The following MPHOSPH6 variants were observed in gnomAD, a reference collection of about 807,000 sequenced individuals.
MPHOSPH6 encodes M-phase phosphoprotein 6.
MPHOSPH6 carries 25 observed loss-of-function variants against 21.8 expected under a neutral mutation model. The ratio of observed to expected loss-of-function variants is 1.15; its 90% CI spans 0.83 to 1.60. The LOEUF (loss-of-function observed/expected upper bound fraction) is 1.60. MPHOSPH6 is among the 40% of genes most tolerant of loss of function. MPHOSPH6 has a pLI of 0.00. For missense variants in MPHOSPH6, 269 were observed against 181.8 expected (o/e 1.48, Z -2.76); for synonymous variants, 84 against 56.5 (o/e 1.49, Z -2.18).
intron 2 of MPHOSPH6, among the ~76,000 whole-genome samples, chr16:82,154,234 A>G (rs1906357983): frequency 6.6e-6 from 1 of 152,130 alleles, no homozygotes; most frequent in Non-Finnish European, 1.5e-5. Flanking sequence ...CAAGCTAAAC[A>G]CTCTGTGATA....
intron 2 of MPHOSPH6, 44 bp downstream of exon 2, chr16:82,164,038 C>T (rs762564844): frequency 5.3e-6 from 7 of 1,332,818 alleles, no homozygotes; most frequent in Middle Eastern, 1.8e-4. Context: ...GAGTTTCCTT[C>T]TGAATGCCAC....
intron 2 of MPHOSPH6, among the ~76,000 whole-genome samples, chr16:82,157,055 AAAAT>A (rs1338722552): frequency 6.6e-6 from 1 of 152,180 alleles, no homozygotes; most frequent in Non-Finnish European, 1.5e-5. Context: ...CATTTCAAAA[AAAAT>A]AAATAAATAA....
intron 1 of MPHOSPH6, among the ~76,000 whole-genome samples, chr16:82,166,350 G>A (rs929600980): frequency 2.6e-5 from 4 of 152,228 alleles, no homozygotes; most frequent in Admixed American, 1.3e-4. Context: ...ATACTTCCCA[G>A]TCCTTTTGCC....
At chr16:82,156,774 G>A (rs900767526) in intron 2 of MPHOSPH6, among the ~76,000 whole-genome samples, 3 of 152,248 alleles carry the variant, frequency 2.0e-5, no homozygotes, top group Non-Finnish European at 2.9e-5. Flanking sequence ...ATCCATAAGC[G>A]TAAAAAAACA....
rs1344483060 is a variant in MPHOSPH6, at chr16:82,148,741, G to T, written c.473C>A (p.Pro158His). The T allele has an allele frequency of 6.2e-7, 1 of 1,613,858 alleles. No homozygotes were observed. Among genetic ancestry groups the T allele is most frequent in the Non-Finnish European group, 8.5e-7 (1 of 1,180,012 alleles). Residue 158 changes from proline to histidine, a missense_variant, in exon 5 of 5, where the codon CCC (proline) becomes CAC (histidine). Transcript: ENST00000258169. Reference sequence around the variant, plus strand: ...CTTAAGGCATCCATCTTAATCCTGGGGCTTTAAGAACATCTTCTTTGCTTT... The same window carrying T: ...CTTAAGGCATCCATCTTAATCCTGGTGCTTTAAGAACATCTTCTTTGCTTT... Reference protein sequence around the residue: ...PIKAKKMFLKPQD With the variant: ...PIKAKKMFLKHQD
intron 2 of MPHOSPH6, among the ~76,000 whole-genome samples, chr16:82,155,904 CAAA>C (rs529834500): frequency 2.0e-5 from 2 of 101,796 alleles, no homozygotes; most frequent in Non-Finnish European, 2.1e-5. Context: ...CACTCTGTCT[CAAA>C]AAAAAAAAAA....
chr16:82,151,473 T>C lies in MPHOSPH6; in HGVS notation c.206A>G (p.Asp69Gly). 2 of 1,606,504 alleles carry C rather than the reference T, an allele frequency of 1.2e-6. No homozygotes were observed. The highest frequency in any genetic ancestry group is 1.7e-6 in the Non-Finnish European group (2 of 1,176,934). Reference sequence around the variant, plus strand: ...GAATGACATTCTTCCATAGAGAAGATCTTCACATAGTAAGAAACTCTGCTC... The same window carrying C: ...GAATGACATTCTTCCATAGAGAAGACCTTCACATAGTAAGAAACTCTGCTC... ...IEEQSFLLCE[D>G]LLYGRMSFRG... Residue 69 changes from aspartate (D) to glycine (G), a missense_variant, in exon 3 of 5, where the codon GAT (aspartate) becomes GGT (glycine). Asp to Gly is a moderately conservative substitution (Grantham distance 94, BLOSUM62 -1). Coordinates refer to ENST00000258169, the MANE Select transcript of MPHOSPH6 (RefSeq NM_005792.2).
intron 1 of MPHOSPH6, among the ~76,000 whole-genome samples, chr16:82,166,436 G>C (rs1436517185): frequency 2.0e-5 from 3 of 152,112 alleles, no homozygotes; most frequent in Non-Finnish European, 2.9e-5. Flanking sequence ...GTGTCCTTTG[G>C]TAAGACTTCC....
chr16:82,148,729 T>A lies in MPHOSPH6; in HGVS notation c.*2A>T, dbSNP rs1278154755. On this transcript the variant is annotated 3_prime_UTR_variant, in exon 5 of 5. Coordinates refer to ENST00000258169, the MANE Select transcript of MPHOSPH6 (RefSeq NM_005792.2). ...CCTGGGCCATCGCTTAAGGCATCCATCTTAATCCTGGGGCTTTAAGAACAT... is the reference window on the plus strand; with the variant it reads ...CCTGGGCCATCGCTTAAGGCATCCAACTTAATCCTGGGGCTTTAAGAACAT... 2 of 1,614,048 alleles carry A rather than the reference T, an allele frequency of 1.2e-6. No homozygotes were observed. The highest frequency in any genetic ancestry group is 3.3e-5 in the Admixed American group (2 of 60,026).
intron 1 of MPHOSPH6, 31 bp downstream of exon 1, chr16:82,170,094 G>C (rs746618336): frequency 5.7e-6 from 9 of 1,577,632 alleles, no homozygotes; most frequent in Non-Finnish European, 7.7e-6. Flanking sequence ...TGCCCCTACC[G>C]CCCGGAGTGG....
intron 1 of MPHOSPH6, among the ~76,000 whole-genome samples, chr16:82,165,119 T>TG (rs1906727043): frequency 1.9e-5 from 1 of 53,450 alleles, no homozygotes; most frequent in Non-Finnish European, 3.4e-5. Context: ...TATTTCTTTT[T>TG]TATTTTTTTT....
At chr16:82,150,890 T>C (rs187738620) in intron 3 of MPHOSPH6, among the ~76,000 whole-genome samples, 1 of 152,340 alleles carries the variant, frequency 6.6e-6, no homozygotes, top group East Asian at 1.9e-4. Flanking sequence ...CTAATGAATA[T>C]TTGTTAAATA....
chr16:82,166,962 T>C (rs1906801655), intron 1 of MPHOSPH6, among the ~76,000 whole-genome samples: 1 of 152,156 alleles, frequency 6.6e-6, no homozygotes, highest in South Asian at 2.1e-4. Flanking sequence ...TCAGAACACA[T>C]TCCAAAACTA....
intron 1 of MPHOSPH6, chr16:82,164,637 C>T (rs1326075205): frequency 1.3e-5 from 2 of 155,848 alleles, no homozygotes; most frequent in Non-Finnish European, 2.8e-5. Flanking sequence ...CCATGGCTCC[C>T]TCCAATAGAC....
At chr16:82,156,277 A>G (rs1359941321) in intron 2 of MPHOSPH6, among the ~76,000 whole-genome samples, 2 of 152,204 alleles carry the variant, frequency 1.3e-5, no homozygotes, top group Non-Finnish European at 2.9e-5. Context: ...AAAAAACCCT[A>G]GAAACACTGA....
At chr16:82,156,252 G>T (rs574094757) in intron 2 of MPHOSPH6, among the ~76,000 whole-genome samples, 1 of 152,106 alleles carries the variant, frequency 6.6e-6, no homozygotes, top group Non-Finnish European at 1.5e-5. Context: ...ACAGATGTAT[G>T]TAAGTTTTGT....
chr16:82,170,213 C>G lies in MPHOSPH6; in HGVS notation c.-38G>C. On this transcript the variant is annotated 5_prime_UTR_variant, in exon 1 of 5. Coordinates refer to ENST00000258169, the MANE Select transcript of MPHOSPH6 (RefSeq NM_005792.2). ...CCAGCGCCGCACTCCGGCCGCGAGCCTCACCGCACATGCGCGGAGCCGCGT... is the reference window on the plus strand; with the variant it reads ...CCAGCGCCGCACTCCGGCCGCGAGCGTCACCGCACATGCGCGGAGCCGCGT... The G allele has an allele frequency of 1.3e-6, 2 of 1,565,028 alleles. No homozygotes were observed. The highest frequency in any genetic ancestry group is 1.7e-6 in the Non-Finnish European group (2 of 1,157,374).
intron 2 of MPHOSPH6, among the ~76,000 whole-genome samples, chr16:82,158,724 T>G (rs1233644051): frequency 6.6e-6 from 1 of 152,174 alleles, no homozygotes; most frequent in Admixed American, 6.5e-5. Context: ...AATAACAAAA[T>G]TCAAGCTTTC....
intron 1 of MPHOSPH6, chr16:82,164,776 G>A (rs924044181): frequency 6.6e-6 from 1 of 152,302 alleles, no homozygotes; most frequent in Admixed American, 6.5e-5. Context: ...AATGTAGGCA[G>A]AAGCAAAGGT....
Sources: allele counts gnomAD v4.1 joint callset (sites outside exome capture counted in the v4.1 genomes callset), GRCh38; gene constraint gnomAD v4.1.1; transcripts MANE v1.5; gene names NCBI Gene and HGNC (gene_info 2026-07-23, HGNC 2026-07-21).